Variants in ITGA8 observed in about 807,000 individuals in gnomAD.
ITGA8 encodes the protein integrin alpha-8.
ITGA8 carries 91 observed loss-of-function variants against 142.3 expected under a neutral mutation model. The observed-to-expected ratio is 0.64, with a 90% CI of 0.54 to 0.76. The LOEUF is 0.76. Ranked by LOEUF, ITGA8 falls within the 30% of genes least tolerant of loss-of-function variation. The pLI, the probability that ITGA8 is intolerant of heterozygous loss-of-function variation, is 0.00. For synonymous variants in ITGA8, 505 were observed against 485.2 expected (o/e 1.04, Z -0.54); for missense variants, 1,406 against 1,327.7 (o/e 1.06, Z -0.92).
chr10:15,565,573 A>ATTTTTTTTTTTTTTTTTTTTTTTTTT (rs71374633), intron 25 of ITGA8, among the ~76,000 whole-genome samples: 2 of 34,782 alleles, frequency 5.8e-5, no homozygotes, highest in East Asian at 1.4e-3. Context: ...TCATGTCCTG[A>ATTTTTTTTTTTTTTTTTTTTTTTTTT]TTTTTTTTTT....
rs143407045 is a variant in ITGA8, at chr10:15,531,689, G to T, written c.2881-538C>A. Among the ~76,000 whole-genome samples, 948 of 152,214 alleles carry T rather than the reference G, an allele frequency of 6.2e-3. 9 individuals are homozygous for T. Among genetic ancestry groups the T allele is most frequent in the African/African-American group, 0.022 (921 of 41,540 alleles). ...GCAGTGGCTCATGCCTGTAATCCCA[G>T]CACTTTGGGAGGCCGAGGCCGGTGG... is the stretch of plus-strand genomic sequence containing the variant. On this transcript the variant is annotated intron_variant, in intron 27 of 29. Transcript: ENST00000378076.
intron 15 of ITGA8, among the ~76,000 whole-genome samples, chr10:15,609,309 A>C (rs9333152): frequency 0.017 from 2,591 of 152,338 alleles, 64 homozygotes; most frequent in African/African-American, 0.058. Context: ...AGTATGGTTT[A>C]ATGACAGTCA....
At chr10:15,648,889 T>C (rs1564391365) in intron 11 of ITGA8, among the ~76,000 whole-genome samples, 1 of 152,200 alleles carries the variant, frequency 6.6e-6, no homozygotes, top group Admixed American at 6.5e-5. Flanking sequence ...CATTCCCTAA[T>C]AACTTACAAA....
chr10:15,665,248 G>T (rs1410416669), intron 8 of ITGA8, among the ~76,000 whole-genome samples: 1 of 152,136 alleles, frequency 6.6e-6, no homozygotes, highest in East Asian at 1.9e-4. Flanking sequence ...GTTTTGATTT[G>T]CATTTCTCTG....
At chr10:15,604,138 C>A (rs931342318) in intron 20 of ITGA8, 70 bp downstream of exon 20, 2 of 1,343,208 alleles carry the variant, frequency 1.5e-6, no homozygotes, top group Non-Finnish European at 1.0e-6. Context: ...GCTAAGATGG[C>A]CCTTCTTAAC....
intron 4 of ITGA8, among the ~76,000 whole-genome samples, 199 bp from the exon 5 acceptor site, chr10:15,678,982 C>T (rs1394094524): frequency 2.0e-5 from 3 of 152,114 alleles, no homozygotes; most frequent in Admixed American, 2.0e-4. Context: ...CACCAAATAG[C>T]GTTGTGATTC....
Position 15,519,405 on chromosome 10 carries a change from G to A in ITGA8, c.2990C>T (p.Thr997Ile), listed in dbSNP as rs1303390913. ...ATTCGGAGTTGCCCAAATAACTGAT[G>A]TCTTAATCTGAAATGGAAAACAAAG... Reference protein sequence around the residue: ...KLPEGSIVIKTSVIWATPNVS... With the variant: ...KLPEGSIVIKISVIWATPNVS... Residue 997 changes from threonine (T) to isoleucine (I), a missense_variant, in exon 29 of 30, where the codon ACA becomes ATA. Physicochemically the swap from Thr to Ile is moderately conservative, Grantham distance 89. Transcript: ENST00000378076. 2 of 1,613,348 alleles carry A rather than the reference G, an allele frequency of 1.2e-6. No individual in the cohort carries two copies. Among genetic ancestry groups the A allele is most frequent in the Non-Finnish European group, 1.7e-6 (2 of 1,179,694 alleles).
At chr10:15,591,021 A>C (rs529716517) in intron 22 of ITGA8, among the ~76,000 whole-genome samples, 1 of 152,220 alleles carries the variant, frequency 6.6e-6, no homozygotes, top group South Asian at 2.1e-4. Context: ...CAGAGTTTAT[A>C]TATTTTTAAA....
At chr10:15,676,583 C>T (rs1215923502) in intron 6 of ITGA8, among the ~76,000 whole-genome samples, 1 of 152,168 alleles carries the variant, frequency 6.6e-6, no homozygotes, top group African/African-American at 2.4e-5. Flanking sequence ...ACCTCCATGA[C>T]AGTAAGAACA....
At position 15,719,835 on chromosome 10, in the gene ITGA8, G is replaced by GT. The variant is rs1564424278; in HGVS notation, c.-65_-64insA. ...CGAGCCGAGGACCCCTGCGGGGCAA[G>GT]GGGGGCTGGTGGAATCTGGCGGTCC... On this transcript the variant is annotated 5_prime_UTR_variant, in exon 1 of 30. Coordinates refer to ENST00000378076, the MANE Select transcript of ITGA8 (RefSeq NM_003638.3). 6.9e-6 allele frequency: 8 copies of GT among 1,154,140 alleles called. No individual in the cohort carries two copies. The highest frequency in any genetic ancestry group is 3.1e-4 in the Middle Eastern group (1 of 3,190). 71.5% of individuals were successfully genotyped at this position (1,154,140 alleles called of 1,614,324 possible).
At chr10:15,628,419 G>A (rs374022491) in intron 13 of ITGA8, among the ~76,000 whole-genome samples, 3 of 128,116 alleles carry the variant, frequency 2.3e-5, no homozygotes, top group African/African-American at 5.9e-5. Context: ...TGCAAGCTCC[G>A]CCTCCTGGGT....
At chr10:15,621,210 T>A (rs1319930302) in intron 13 of ITGA8, among the ~76,000 whole-genome samples, 2 of 151,184 alleles carry the variant, frequency 1.3e-5, no homozygotes, top group Admixed American at 6.6e-5. Context: ...ACAATTAAAA[T>A]TGGGTCTTTC....
chr10:15,590,657 C>T (rs1328341963), intron 22 of ITGA8, among the ~76,000 whole-genome samples: 2 of 152,136 alleles, frequency 1.3e-5, no homozygotes, highest in Middle Eastern at 3.4e-3. Context: ...TCTTAAGATA[C>T]TTAGAAATAT....
intron 6 of ITGA8, among the ~76,000 whole-genome samples, chr10:15,675,395 C>T (rs1834608656): frequency 6.6e-6 from 1 of 152,180 alleles, no homozygotes; most frequent in Non-Finnish European, 1.5e-5. Context: ...CACCTTTCTT[C>T]CCTTACCAGC....
chr10:15,549,821 T>C (rs1241429190), intron 26 of ITGA8, among the ~76,000 whole-genome samples: 1 of 152,182 alleles, frequency 6.6e-6, no homozygotes, highest in Non-Finnish European at 1.5e-5. Flanking sequence ...TTCGAGAACA[T>C]TTTTCAAGAT....
intron 28 of ITGA8, among the ~76,000 whole-genome samples, chr10:15,523,401 G>C (rs1027597619): frequency 6.6e-6 from 1 of 152,184 alleles, no homozygotes; most frequent in African/African-American, 2.4e-5. Context: ...TTGAAGCAGA[G>C]AACAACTTTA....
chr10:15,647,135 A>G (rs1588696683), intron 11 of ITGA8, 84 bp from the exon 12 acceptor site: 4 of 998,954 alleles, frequency 4.0e-6, no homozygotes, highest in Non-Finnish European at 6.2e-6. Flanking sequence ...AGACTAGTAA[A>G]TTTCCATTGG....
chr10:15,702,593 C>T (rs911063401), intron 2 of ITGA8, among the ~76,000 whole-genome samples: 2 of 152,008 alleles, frequency 1.3e-5, no homozygotes, highest in Admixed American at 6.6e-5. Flanking sequence ...GCGTGGCCCA[C>T]GTGAAGATCT....
At chr10:15,589,159 C>T (rs1832880923) in intron 22 of ITGA8, among the ~76,000 whole-genome samples, 1 of 152,170 alleles carries the variant, frequency 6.6e-6, no homozygotes, top group African/African-American at 2.4e-5. Flanking sequence ...ACAACTGCAC[C>T]CTATGTTATA....
Sources: gnomAD v4.1 joint callset for allele counts (sites outside exome capture counted in the v4.1 genomes callset) on GRCh38, gnomAD v4.1.1 for gene constraint, MANE v1.5 for transcripts, NCBI Gene and HGNC (gene_info 2026-07-23, HGNC 2026-07-21) for gene names.